FCGRT: variants seen among roughly 807,000 people sequenced by gnomAD.
The protein encoded by FCGRT is Fc gamma receptor and transporter.
FCGRT carries 13 observed loss-of-function variants against 35.7 expected under a neutral mutation model. That is an observed-to-expected ratio of 0.36 (90% CI 0.24 to 0.58). The LOEUF (loss-of-function observed/expected upper bound fraction) is 0.58. FCGRT is among the 20% of genes least tolerant of loss of function. The pLI is 0.77. For missense variants in FCGRT, 455 were observed against 474.9 expected (o/e 0.96, Z 0.39); for synonymous variants, 233 against 216.5 (o/e 1.08, Z -0.67).
At chr19:49,525,630 G>A in intron 6 of FCGRT, 57 bp downstream of exon 6, 2 of 1,236,884 alleles carry the variant, frequency 1.6e-6, no homozygotes. Context: ...CCAAGAGAGG[G>A]GCACACAGAC....
chr19:49,519,000 G>A (rs1322681304), intron 4 of FCGRT, among the ~76,000 whole-genome samples: 6 of 151,838 alleles, frequency 4.0e-5, no homozygotes, highest in East Asian at 1.9e-4. Flanking sequence ...CCACCACCAC[G>A]CCCGGCTAAT....
rs543104321 is a variant in FCGRT at position 49,524,164 on chromosome 19, G to C, written c.602-343G>C. 3.3e-5 allele frequency among the ~76,000 whole-genome samples: 5 copies of C among 151,932 alleles called. No homozygotes were observed. In the South Asian group the frequency reaches 8.3e-4, roughly 25 times the overall value. The stretch of plus-strand genomic sequence containing the variant: ...CTCCTGAGTAGCTGGGACTACAGGT[G>C]CCCGGCTAATTTTTGTATTTTTAGT... On this transcript the variant is annotated intron_variant, in intron 4 of 6. Transcript: ENST00000221466.
At chr19:49,525,912 GGAA>G (rs2080073573) in intron 6 of FCGRT, 95 bp from the exon 7 acceptor site, 1 of 809,880 alleles carries the variant, frequency 1.2e-6, no homozygotes, top group Non-Finnish European at 2.2e-6. Context: ...TAGAGACTGA[GGAA>G]GAGTGTGTGA....
At chr19:49,525,860 A>G in intron 6 of FCGRT, 150 bp from the exon 7 acceptor site, 1 of 736,786 alleles carries the variant, frequency 1.4e-6, no homozygotes, top group Non-Finnish European at 2.4e-6. Flanking sequence ...GGGGGGACGG[A>G]AAATTGGGAG....
At position 49,525,040 on chromosome 19, in the gene FCGRT, A is replaced by G. The variant is rs1216144233; in HGVS notation, c.871+264A>G. ...TGGCCAGTCCTCCCTGAGTCTGACC[A>G]TCTTCCATCCTGCTGCTGCTGCTGC... On this transcript the variant is annotated intron_variant, in intron 5 of 6. Transcript: ENST00000221466. The G allele has an allele frequency of 4.8e-6, 3 of 630,204 alleles. No homozygotes were observed. The Admixed American group carries it at 6.4e-5, about 13-fold the overall frequency. The allele number at this position is 630,204 out of a possible 1,614,324, so 39.0% of individuals were successfully genotyped here.
rs774335339 is a variant in FCGRT, at chr19:49,524,588, C to T, written c.683C>T (p.Pro228Leu). Residue 228 changes from proline (P) to leucine (L), a missense_variant, in exon 5 of 7, where the codon CCT becomes CTT. Physicochemically the swap from Pro to Leu is moderately conservative, Grantham distance 98 (BLOSUM62 -3). Around this residue, in one of 3 missense-constraint regions of FCGRT, gnomAD observed 312 missense variants for 296.1 expected, o/e 1.05. Transcript: ENST00000221466. ...ACCTGCAGCGCCTTCTCCTTCTACCCTCCGGAGCTGCAACTTCGGTTCCTG... is the reference window on the plus strand; with the variant it reads ...ACCTGCAGCGCCTTCTCCTTCTACCTTCCGGAGCTGCAACTTCGGTTCCTG... ...VLTCSAFSFY[P>L]PELQLRFLRN... 1.2e-6 allele frequency: 2 copies of T among 1,612,712 alleles called. No homozygotes were observed. The highest frequency in any genetic ancestry group is 1.1e-5 in the South Asian group (1 of 91,092).
intron 4 of FCGRT, among the ~76,000 whole-genome samples, chr19:49,515,880 C>A (rs2080004573): frequency 1.3e-5 from 2 of 151,288 alleles, no homozygotes; most frequent in Admixed American, 6.6e-5. Context: ...TTCCACCCTT[C>A]CCCCTCTCTG....
chr19:49,515,856 C>T (rs1245323316), intron 4 of FCGRT, among the ~76,000 whole-genome samples: 1 of 152,186 alleles, frequency 6.6e-6, no homozygotes, highest in Non-Finnish European at 1.5e-5. Context: ...CCAGTTTCCC[C>T]TGGCACCTCT....
At position 49,524,755 on chromosome 19, in the gene FCGRT, C is replaced by G. The variant is rs751671400; in HGVS notation, c.850C>G (p.Gln284Glu). ...CATTGTGCAGCACGCGGGGCTGGCGCAGCCCCTCAGGGTGGAGCTGGGTGA... is the reference window on the plus strand; with the variant it reads ...CATTGTGCAGCACGCGGGGCTGGCGGAGCCCCTCAGGGTGGAGCTGGGTGA... The part of the protein sequence containing the change: ...CCIVQHAGLA[Q>E]PLRVELESPA... Residue 284 changes from glutamine (Q) to glutamate (E), a missense_variant, in exon 5 of 7, where the codon CAG becomes GAG. Transcript: ENST00000221466. 6.2e-7 allele frequency: 1 copy of G among 1,600,770 alleles called. No individual in the cohort carries two copies. Among genetic ancestry groups the G allele is most frequent in the Non-Finnish European group, 8.5e-7 (1 of 1,179,802 alleles).
At chr19:49,518,266 A>G (rs559313388) in intron 4 of FCGRT, among the ~76,000 whole-genome samples, 1 of 151,712 alleles carries the variant, frequency 6.6e-6, no homozygotes, top group Admixed American at 6.6e-5. Flanking sequence ...CTGACTGTAA[A>G]TGTTTTTTAA....
chr19:49,514,124 G>T lies in FCGRT; in HGVS notation c.316G>T (p.Gly106Trp), dbSNP rs201043787. 8 of 1,613,000 alleles carry T rather than the reference G, an allele frequency of 5.0e-6. No homozygotes were observed. The highest frequency in any genetic ancestry group is 3.4e-6 in the Non-Finnish European group (4 of 1,179,844). ...CTTTCTGGAAGCTTTCAAAGCTTTGGGGGGAAAAGGTGAGATTCCGGTCTG... is the reference window on the plus strand; with the variant it reads ...CTTTCTGGAAGCTTTCAAAGCTTTGTGGGGAAAAGGTGAGATTCCGGTCTG... ...KLFLEAFKAL[G>W]GKGPYTLQGL... The change falls in exon 3 of 7, where the codon GGG (glycine) becomes TGG (tryptophan). Residue 106 changes from glycine (G) to tryptophan (W), a missense_variant. Transcript: ENST00000221466.
In FCGRT at chr19:49,525,438, C is replaced by G. The variant is rs1405357647; in HGVS notation, c.872-19C>G. ...GGTGGAGGGGCTGCTCCACATCTCA[C>G]AGCGTTCTCTGGCTGCAGAATCTCC... On this transcript the variant is annotated intron_variant, in intron 5 of 6. Transcript: ENST00000221466. 1 of 1,592,084 alleles carries G rather than the reference C, an allele frequency of 6.3e-7. No individual in the cohort carries two copies. The highest frequency in any genetic ancestry group is 8.6e-7 in the Non-Finnish European group (1 of 1,160,494).
At chr19:49,525,414 G>A in intron 5 of FCGRT, 43 bp from the exon 6 acceptor site, 1 of 1,444,044 alleles carries the variant, frequency 6.9e-7, no homozygotes, top group Non-Finnish European at 9.7e-7. Context: ...ACTGGGTGGG[G>A]TGGAGGGGCT....
At position 49,524,879 on chromosome 19, in the gene FCGRT, T is replaced by A. The variant is rs746540292; in HGVS notation, c.871+103T>A. 7 of 1,154,484 alleles carry A rather than the reference T, an allele frequency of 6.1e-6. No homozygotes were observed. In the Admixed American group the frequency reaches 9.9e-5, roughly 16 times the overall value. The allele number at this position is 1,154,484 out of a possible 1,614,324, so 71.5% of individuals were successfully genotyped here. On this transcript the variant is annotated intron_variant, in intron 5 of 6. Transcript: ENST00000221466. The stretch of plus-strand genomic sequence containing the variant: ...GACCTTCCTCCCCACTGCTGCCACC[T>A]CCTTGAATCTGACTGCCTTGAACCT...
At chr19:49,521,909 A>G (rs2080043478) in intron 4 of FCGRT, 1 of 151,516 alleles carries the variant, frequency 6.6e-6, no homozygotes, top group Non-Finnish European at 1.5e-5. Context: ...GCTTCCAGTG[A>G]TCCTCCTGCC....
At chr19:49,517,565 C>T (rs2080015548) in intron 4 of FCGRT, among the ~76,000 whole-genome samples, 1 of 143,422 alleles carries the variant, frequency 7.0e-6, no homozygotes, top group African/African-American at 2.8e-5. Context: ...AGGAAGGAAG[C>T]GAGCATCCCA....
intron 2 of FCGRT, 185 bp from the exon 3 acceptor site, chr19:49,513,697 C>G: frequency 1.7e-6 from 1 of 584,518 alleles, no homozygotes; most frequent in Non-Finnish European, 2.9e-6. Context: ...CTGTCCCCCT[C>G]TCTTTCTGGG....
In FCGRT at chr19:49,526,121, C is replaced by A; in HGVS notation, c.*2C>A. The A allele has an allele frequency of 6.3e-7, 1 of 1,596,010 alleles. No homozygotes were observed. Among genetic ancestry groups the A allele is most frequent in the Non-Finnish European group, 8.6e-7 (1 of 1,163,732 alleles). Reference sequence around the variant, plus strand: ...AATGTGATTCCAGCCACCGCCTGACCATCCGCCATTCCGACTGCTAAAAGC... The same window carrying A: ...AATGTGATTCCAGCCACCGCCTGACAATCCGCCATTCCGACTGCTAAAAGC... On this transcript the variant is annotated 3_prime_UTR_variant, in exon 7 of 7. Coordinates refer to ENST00000221466, the MANE Select transcript of FCGRT (RefSeq NM_001136019.3).
Position 49,513,845 on chromosome 19 carries a change from G to T in FCGRT, c.74-37G>T, listed in dbSNP as rs369296209. The T allele has an allele frequency of 6.4e-6, 9 of 1,416,008 alleles. No individual in the cohort carries two copies. In the African/African-American group the frequency reaches 1.2e-4, roughly 19 times the overall value. 87.7% of individuals were successfully genotyped at this position (1,416,008 alleles called of 1,614,324 possible). A position where few individuals can be genotyped will look rare whatever the true frequency, so the allele number is the denominator to read the frequency against. ...CTGTCCCACTGCAGTCTAGTTCCCC[G>T]CCCGTGTGCTCCCTTCAGCTCTGTT... On this transcript the variant is annotated intron_variant, in intron 2 of 6. Transcript: ENST00000221466.
Sources: gnomAD v4.1 joint callset for allele counts (sites outside exome capture counted in the v4.1 genomes callset) on GRCh38, gnomAD v4.1.1 for gene constraint, gnomAD v4.1.1 regional missense constraint, MANE v1.5 for transcripts, NCBI Gene and HGNC (gene_info 2026-07-23, HGNC 2026-07-21) for gene names.